CADPS2: variants seen among roughly 807,000 people sequenced by gnomAD.
The protein encoded by CADPS2 is calcium dependent secretion activator 2, also known as calcium-dependent secretion activator 2.
In CADPS2, 93 loss-of-function variants were observed where a neutral mutation model predicts 172.5. The ratio of observed to expected loss-of-function variants is 0.54; its 90% CI spans 0.46 to 0.64. The LOEUF is 0.64. Ranked by LOEUF, CADPS2 falls within the 30% of genes least tolerant of loss-of-function variation. The pLI, the probability that CADPS2 is intolerant of heterozygous loss-of-function variation, is 0.00. For missense variants in CADPS2, 1,420 were observed against 1,565.9 expected (o/e 0.91, Z 1.57); for synonymous variants, 546 against 555.2 (o/e 0.98, Z 0.23).
chr7:122,854,494 AGG>A (rs1362392637), intron 1 of CADPS2, among the ~76,000 whole-genome samples: 6 of 152,230 alleles, frequency 3.9e-5, no homozygotes, highest in Non-Finnish European at 2.9e-5. Context: ...TGAGCCACTG[AGG>A]TGTCAACTCA....
chr7:122,700,533 T>C (rs556480630), intron 2 of CADPS2, among the ~76,000 whole-genome samples: 3 of 152,294 alleles, frequency 2.0e-5, no homozygotes, highest in African/African-American at 7.2e-5. Flanking sequence ...AAGTTTAGCA[T>C]ATCATCCAGA....
rs1201401801 is a variant in CADPS2 at position 122,319,122 on chromosome 7, CTAATAT to C, written c.*1037_*1042del. On this transcript the variant is annotated 3_prime_UTR_variant, in exon 30 of 30. Coordinates refer to ENST00000449022, the MANE Select transcript of CADPS2 (RefSeq NM_017954.11). ...ACTAATTATTAGTTAACATTGATTACTAATATTAACTAATAATATATGAAATATATA... is the reference window on the plus strand; with the variant it reads ...ACTAATTATTAGTTAACATTGATTACTAACTAATAATATATGAAATATATA... 1 of 152,022 alleles carries C rather than the reference CTAATAT, an allele frequency of 6.6e-6. No individual in the cohort carries two copies. The highest frequency in any genetic ancestry group is 1.5e-5 in the Non-Finnish European group (1 of 68,018). 9.4% of individuals were successfully genotyped at this position (152,022 alleles called of 1,614,324 possible). A position where few individuals can be genotyped will look rare whatever the true frequency, so the allele number is the denominator to read the frequency against.
At chr7:122,389,561 C>T (rs547339712) in intron 22 of CADPS2, among the ~76,000 whole-genome samples, 1 of 151,950 alleles carries the variant, frequency 6.6e-6, no homozygotes, top group African/African-American at 2.4e-5. Context: ...TAGAAGAGTA[C>T]ATATAATATT....
At chr7:122,618,920 T>C (rs534543543) in intron 5 of CADPS2, among the ~76,000 whole-genome samples, 33 of 152,296 alleles carry the variant, frequency 2.2e-4, no homozygotes, top group Admixed American at 2.1e-3. Context: ...AGATTTGTAT[T>C]ATGCTATGGT....
intron 4 of CADPS2, among the ~76,000 whole-genome samples, chr7:122,622,627 C>T (rs948638382): frequency 2.6e-5 from 4 of 152,136 alleles, no homozygotes; most frequent in Admixed American, 6.5e-5. Context: ...TTAATGTTTG[C>T]CAACCTGGCA....
At chr7:122,634,823 G>A (rs918510371) in intron 3 of CADPS2, among the ~76,000 whole-genome samples, 9 of 151,956 alleles carry the variant, frequency 5.9e-5, no homozygotes, top group Admixed American at 3.3e-4. Flanking sequence ...CTGCTTTAGC[G>A]GCATCCCAAA....
chr7:122,484,930 T>C (rs932229198), intron 11 of CADPS2, among the ~76,000 whole-genome samples: 1 of 152,178 alleles, frequency 6.6e-6, no homozygotes, highest in Non-Finnish European at 1.5e-5. Context: ...TTTCATGTTA[T>C]GGTAATTCTC....
intron 5 of CADPS2, 70 bp from the exon 6 acceptor site, chr7:122,615,369 A>C: frequency 1.0e-6 from 1 of 1,002,546 alleles, no homozygotes; most frequent in Non-Finnish European, 1.4e-6. Context: ...AAACAGCAGC[A>C]TGAACTGTAA....
intron 25 of CADPS2, among the ~76,000 whole-genome samples, chr7:122,369,367 G>A (rs1272616639): frequency 1.3e-5 from 2 of 151,926 alleles, no homozygotes; most frequent in Admixed American, 6.6e-5. Flanking sequence ...TCCTGACCTC[G>A]TGATCCGCCT....
intron 10 of CADPS2, among the ~76,000 whole-genome samples, chr7:122,490,864 A>G (rs2058221060): frequency 6.6e-6 from 1 of 152,004 alleles, no homozygotes; most frequent in Non-Finnish European, 1.5e-5. Flanking sequence ...CATTCATTCA[A>G]TTTTTTAAAT....
At chr7:122,767,482 A>G (rs949038747) in intron 1 of CADPS2, among the ~76,000 whole-genome samples, 2 of 151,996 alleles carry the variant, frequency 1.3e-5, no homozygotes, top group African/African-American at 4.8e-5. Context: ...AGTGTTTTTC[A>G]GGAATGTTAA....
intron 7 of CADPS2, among the ~76,000 whole-genome samples, chr7:122,558,539 A>G (rs1379634466): frequency 2.0e-5 from 3 of 152,178 alleles, no homozygotes; most frequent in Admixed American, 6.5e-5. Flanking sequence ...AAGCTAATGT[A>G]TCTTCTTCAT....
chr7:122,337,373 TG>T (rs1382679858), intron 28 of CADPS2, among the ~76,000 whole-genome samples: 1 of 152,222 alleles, frequency 6.6e-6, no homozygotes. Flanking sequence ...ATGACAATTG[TG>T]TTCCACGATC....
chr7:122,599,509 T>C (rs932093798), intron 6 of CADPS2, among the ~76,000 whole-genome samples: 1 of 152,046 alleles, frequency 6.6e-6, no homozygotes, highest in Admixed American at 6.6e-5. Flanking sequence ...TACCACATAC[T>C]GAGTTGATAA....
chr7:122,656,522 G>A (rs1166625363), intron 3 of CADPS2, among the ~76,000 whole-genome samples: 1 of 152,068 alleles, frequency 6.6e-6, no homozygotes, highest in Non-Finnish European at 1.5e-5. Flanking sequence ...GTAGTAGGAG[G>A]GAGCAATCCT....
chr7:122,750,499 T>C (rs2092906309), intron 1 of CADPS2, among the ~76,000 whole-genome samples: 1 of 152,134 alleles, frequency 6.6e-6, no homozygotes, highest in Admixed American at 6.6e-5. Context: ...TGCCCAGTTA[T>C]AATGCCTTTG....
At chr7:122,448,754 A>C (rs963910767) in intron 15 of CADPS2, among the ~76,000 whole-genome samples, 2 of 152,086 alleles carry the variant, frequency 1.3e-5, no homozygotes, top group Non-Finnish European at 2.9e-5. Flanking sequence ...TTGGTTCAAA[A>C]CCAGGCTCAT....
chr7:122,410,980 G>T (rs1461384847), intron 19 of CADPS2, among the ~76,000 whole-genome samples: 1 of 152,144 alleles, frequency 6.6e-6, no homozygotes, highest in African/African-American at 2.4e-5. Flanking sequence ...CATACAGTTG[G>T]TAGATAACAA....
chr7:122,773,649 T>C lies in CADPS2; in HGVS notation c.340-36581A>G, dbSNP rs572668612. On this transcript the variant is annotated intron_variant, in intron 1 of 29. Transcript: ENST00000449022. ...AACTATTTTTATTTGTTTACACACA[T>C]CCTTTATGTTGTGCAGTGAACAAGT... Among the ~76,000 whole-genome samples the C allele has an allele frequency of 6.5e-4, 94 of 144,648 alleles. 1 individual carries two copies. The highest frequency in any genetic ancestry group is 1.2e-3 in the Non-Finnish European group (77 of 65,580). The allele number at this position is 144,648 out of a possible 152,430, so 94.9% of individuals were successfully genotyped here.
Sources: gnomAD v4.1 joint callset for allele counts (sites outside exome capture counted in the v4.1 genomes callset) on GRCh38, gnomAD v4.1.1 for gene constraint, MANE v1.5 for transcripts, NCBI Gene and HGNC (gene_info 2026-07-23, HGNC 2026-07-21) for gene names.